The following HERC1 variants were observed in gnomAD, a reference collection of about 807,000 sequenced individuals.
HERC1 encodes HECT and RLD domain containing E3 ubiquitin protein ligase family member 1.
A neutral mutation model predicts 554.3 loss-of-function variants in HERC1; 160 were observed. That is an observed-to-expected ratio of 0.29 (90% CI 0.25 to 0.33). The LOEUF (loss-of-function observed/expected upper bound fraction) is 0.33, where lower values mean the gene tolerates loss of function less well. Ranked by LOEUF, HERC1 falls within the 10% of genes least tolerant of loss-of-function variation. The probability of loss-of-function intolerance (pLI) is 1.00; values close to 1 mark genes in which losing one functional copy is unlikely to be tolerated. For synonymous variants in HERC1, 2,175 were observed against 2,131.7 expected, an observed-to-expected ratio of 1.02 and a Z score of -0.56; for missense variants, 4,919 against 5,918.5, an observed-to-expected ratio of 0.83 and a Z score of 5.54.
At chr15:63,774,591 CA>C in intron 2 of HERC1, 102 bp downstream of exon 2, 2 of 847,166 alleles carry the variant, frequency 2.4e-6, no homozygotes, top group Non-Finnish European at 3.6e-6. Flanking sequence ...CAACAATCAC[CA>C]AAAGTCTCAA....
At chr15:63,739,300 C>T (rs560356918) in intron 12 of HERC1, among the ~76,000 whole-genome samples, 14 of 148,520 alleles carry the variant, frequency 9.4e-5, no homozygotes, top group African/African-American at 3.5e-4. Context: ...AAGGTTCAGG[C>T]GATTCTCCTG....
chr15:63,826,795 AAAAAAAAAAAAAAAAAAAAAT>A (rs1305904954), intron 1 of HERC1, among the ~76,000 whole-genome samples: 1 of 60,428 alleles, frequency 1.7e-5, no homozygotes, highest in Middle Eastern at 6.6e-3. Flanking sequence ...AAAAAAAAAA[AAAAAAAAAAAAAAAAAAAAAT>A]ATATATATAT....
chr15:63,822,677 T>G (rs932739885), intron 1 of HERC1, among the ~76,000 whole-genome samples: 1 of 152,108 alleles, frequency 6.6e-6, no homozygotes, highest in Non-Finnish European at 1.5e-5. Context: ...AAGGTCATTC[T>G]AGTTATGAAG....
At chr15:63,623,577 G>A (rs1418277730) in intron 73 of HERC1, 148 bp downstream of exon 73, 16 of 740,010 alleles carry the variant, frequency 2.2e-5, no homozygotes, top group African/African-American at 5.2e-5. Flanking sequence ...ATTTACCTAC[G>A]TATCACTAAC....
intron 1 of HERC1, among the ~76,000 whole-genome samples, chr15:63,815,814 C>T (rs2077472724): frequency 6.6e-6 from 1 of 152,140 alleles, no homozygotes; most frequent in Non-Finnish European, 1.5e-5. Context: ...CTCACAGTTC[C>T]ACAGGGCTGG....
At chr15:63,650,713 A>G (rs1355764281) in intron 53 of HERC1, among the ~76,000 whole-genome samples, 3 of 152,252 alleles carry the variant, frequency 2.0e-5, no homozygotes, top group Non-Finnish European at 4.4e-5. Flanking sequence ...CCAAATTGGC[A>G]TAAGAAACTT....
Position 63,758,933 on chromosome 15 carries a change from T to C in HERC1, c.1027-564A>G, listed in dbSNP as rs2075519044. Among the ~76,000 whole-genome samples, 1 of 152,092 alleles carries C rather than the reference T, an allele frequency of 6.6e-6. No individual in the cohort carries two copies. Among genetic ancestry groups the C allele is most frequent in the South Asian group, 2.1e-4 (1 of 4,818 alleles). Reference sequence around the variant, plus strand: ...TTAAATAGATGGGGTCTCATTATCTTACACAGACTAGACTCAAACTCCTGG... The same window carrying C: ...TTAAATAGATGGGGTCTCATTATCTCACACAGACTAGACTCAAACTCCTGG... On this transcript the variant is annotated intron_variant, in intron 3 of 77. Transcript: ENST00000443617. This position sits in a 1 kb window ranked among gnomAD's most constrained non-coding sequence, Gnocchi z 4.0.
In HERC1 at chr15:63,786,806, T is replaced by G. The variant is rs549048281; in HGVS notation, c.-26-11157A>C. The stretch of plus-strand genomic sequence containing the variant: ...TTTTACTTTGGAATTATGAAAATGT[T>G]TTGGAACTAGAGACGGTAGTTGCAC... On this transcript the variant is annotated intron_variant, in intron 1 of 77. Coordinates refer to ENST00000443617, the MANE Select transcript of HERC1 (RefSeq NM_003922.4). 2.0e-5 allele frequency among the ~76,000 whole-genome samples: 3 copies of G among 152,198 alleles called. No homozygotes were observed. In the East Asian group the frequency reaches 5.8e-4, roughly 29 times the overall value.
chr15:63,743,593 G>A (rs2074917882), intron 12 of HERC1, among the ~76,000 whole-genome samples: 1 of 152,038 alleles, frequency 6.6e-6, no homozygotes. Flanking sequence ...ATCAATTCTG[G>A]TATTAAAGGA....
intron 76 of HERC1, among the ~76,000 whole-genome samples, chr15:63,613,428 G>C (rs1291416734): frequency 1.3e-5 from 2 of 152,128 alleles, no homozygotes; most frequent in Non-Finnish European, 2.9e-5. Flanking sequence ...CCTACACACA[G>C]ACTCACCACT....
Position 63,632,784 on chromosome 15 carries a change from T to C in HERC1, c.12721A>G (p.Ile4241Val), listed in dbSNP as rs1210158670. The change falls in exon 68 of 78, where the codon ATA becomes GTA. Residue 4241 changes from isoleucine to valine, a missense_variant. Around this residue, in one of 11 missense-constraint regions of HERC1, gnomAD observed 410 missense variants for 467.0 expected, o/e 0.88. Coordinates refer to ENST00000443617, the MANE Select transcript of HERC1 (RefSeq NM_003922.4). ...QKIDVLCGIG[I>V]KKVACGTQFS... is the part of the protein sequence containing the mutation. ...TGAGTTCCACAAGCAACCTTTTTTA[T>C]TCCAATTCCACAAAGGACGTCAATT... 2.6e-6 allele frequency: 4 copies of C among 1,567,312 alleles called. No homozygotes were observed. In the African/African-American group the frequency reaches 4.0e-5, roughly 16 times the overall value.
At chr15:63,661,224 T>G (rs531838921) in intron 45 of HERC1, among the ~76,000 whole-genome samples, 199 bp from the exon 46 acceptor site, 36 of 152,352 alleles carry the variant, frequency 2.4e-4, no homozygotes, top group African/African-American at 7.9e-4. Context: ...ATGATTATTT[T>G]ACCAAACTAC....
Position 63,655,867 on chromosome 15 carries a change from A to G in HERC1, c.9959T>C (p.Ile3320Thr), listed in dbSNP as rs764593101. 4.3e-6 allele frequency: 7 copies of G among 1,611,182 alleles called. No homozygotes were observed. In the South Asian group the frequency reaches 5.5e-5, roughly 13 times the overall value. ...RKFLPSFLRGIAEENKLVTSP... is the reference protein window; with the variant it reads ...RKFLPSFLRGTAEENKLVTSP... ...GGTCACAAGCTTGTTCTCTTCAGCAATTCCTCGGAGAAAGCTGGGTAGAAA... is the reference window on the plus strand; with the variant it reads ...GGTCACAAGCTTGTTCTCTTCAGCAGTTCCTCGGAGAAAGCTGGGTAGAAA... The change falls in exon 50 of 78, where the codon ATT becomes ACT. Residue 3320 changes from isoleucine (I) to threonine (T), a missense_variant. Ile to Thr is a moderately conservative substitution (Grantham distance 89). Transcript: ENST00000443617.
In HERC1 at chr15:63,827,440, G is replaced by A. The variant is rs181859827; in HGVS notation, c.-27+6387C>T. Among the ~76,000 whole-genome samples the A allele has an allele frequency of 1.2e-3, 183 of 151,496 alleles. 1 individual carries two copies. The highest frequency in any genetic ancestry group is 4.3e-3 in the African/African-American group (176 of 41,302). ...CTGTGTCTTAAAAAAAAAAAAGACC[G>A]AAGAAAATGAAAGGAATATCTCTTC... On this transcript the variant is annotated intron_variant, in intron 1 of 77. Coordinates refer to ENST00000443617, the MANE Select transcript of HERC1 (RefSeq NM_003922.4).
intron 73 of HERC1, 41 bp downstream of exon 73, chr15:63,623,684 G>A: frequency 6.3e-7 from 1 of 1,592,410 alleles, no homozygotes; most frequent in Non-Finnish European, 8.6e-7. Flanking sequence ...ATGGCCACTA[G>A]CAGACTAGAT....
chr15:63,741,517 T>C (rs1398656808), intron 12 of HERC1, among the ~76,000 whole-genome samples: 2 of 151,482 alleles, frequency 1.3e-5, no homozygotes, highest in Non-Finnish European at 2.9e-5. Context: ...TTCACCATGT[T>C]AGGCTGGTCT....
chr15:63,799,473 C>T lies in HERC1; in HGVS notation c.-26-23824G>A, dbSNP rs140222643. 3.6e-3 allele frequency among the ~76,000 whole-genome samples: 548 copies of T among 151,266 alleles called. 1 individual carries two copies. The highest frequency in any genetic ancestry group is 0.013 in the African/African-American group (523 of 41,216). On this transcript the variant is annotated intron_variant, in intron 1 of 77. Transcript: ENST00000443617. The stretch of plus-strand genomic sequence containing the variant: ...TATGATCGTGCCACTGCACTCTAGC[C>T]TGGGTGATAGAGCAAGACTCTGCCT...
intron 1 of HERC1, among the ~76,000 whole-genome samples, chr15:63,832,836 T>C (rs546800900): frequency 5.9e-5 from 9 of 152,202 alleles, no homozygotes; most frequent in African/African-American, 2.2e-4. Flanking sequence ...TAAAAAAAAA[T>C]GTGTCTGTTA....
Position 63,749,977 on chromosome 15 carries a change from G to A in HERC1, c.1903-186C>T, listed in dbSNP as rs1241620766. 6.6e-6 allele frequency among the ~76,000 whole-genome samples: 1 copy of A among 152,224 alleles called. No individual in the cohort carries two copies. Among genetic ancestry groups the A allele is most frequent in the Non-Finnish European group, 1.5e-5 (1 of 68,042 alleles). ...ATCATGCTGCCTTTAGGCATTCACTGTATAGGCAGAAAAACAGCTGATCTG... is the reference window on the plus strand; with the variant it reads ...ATCATGCTGCCTTTAGGCATTCACTATATAGGCAGAAAAACAGCTGATCTG... On this transcript the variant is annotated intron_variant, in intron 8 of 77. Transcript: ENST00000443617. The surrounding 1 kb of genome is among the most constrained non-coding windows in gnomAD (Gnocchi z 4.1).
Sources: allele counts gnomAD v4.1 joint callset (sites outside exome capture counted in the v4.1 genomes callset), GRCh38; gene constraint gnomAD v4.1.1; regional missense constraint gnomAD v4.1.1; non-coding constraint Gnocchi (gnomAD v3.1); transcripts MANE v1.5; gene names NCBI Gene and HGNC (gene_info 2026-07-23, HGNC 2026-07-21).